DOP1B: variants seen among roughly 807,000 people sequenced by gnomAD.
DOP1B encodes the protein DOP1 leucine zipper like protein B.
In DOP1B, 174 loss-of-function variants were observed where a neutral mutation model predicts 233.5. The ratio of observed to expected loss-of-function variants is 0.75; its 90% CI spans 0.66 to 0.85. DOP1B has a LOEUF of 0.85. Among genes scored for constraint, DOP1B ranks in the 40% least tolerant of loss-of-function variants. DOP1B has a pLI of 0.00. For missense variants in DOP1B, 2,652 were observed against 2,846.6 expected (o/e 0.93, Z 1.56); for synonymous variants, 1,190 against 1,185.6 (o/e 1.00, Z -0.08).
intron 32 of DOP1B, among the ~76,000 whole-genome samples, chr21:36,284,938 T>G (rs2067465899): frequency 6.7e-6 from 1 of 150,274 alleles, no homozygotes; most frequent in South Asian, 2.1e-4. Flanking sequence ...ATAGTAATAT[T>G]AAATATTATA....
intron 27 of DOP1B, among the ~76,000 whole-genome samples, chr21:36,272,399 C>T (rs918663437): frequency 2.0e-5 from 3 of 152,140 alleles, no homozygotes; most frequent in African/African-American, 7.2e-5. Flanking sequence ...CCTGTAATCC[C>T]AGGACTTTGG....
At chr21:36,186,169 C>CT (rs1569007272) in intron 2 of DOP1B, among the ~76,000 whole-genome samples, 1 of 151,846 alleles carries the variant, frequency 6.6e-6, no homozygotes, top group Admixed American at 6.6e-5. Context: ...CGCCACTGCA[C>CT]TCCAGCCTGG....
intron 15 of DOP1B, among the ~76,000 whole-genome samples, chr21:36,235,865 G>GC (rs1555893480): frequency 6.9e-6 from 1 of 145,264 alleles, no homozygotes; most frequent in Non-Finnish European, 1.5e-5. Flanking sequence ...AAGGAAGTCG[G>GC]GGGGGGGGCG....
At chr21:36,289,957 A>G (rs1015401572) in intron 35 of DOP1B, among the ~76,000 whole-genome samples, 7 of 152,184 alleles carry the variant, frequency 4.6e-5, no homozygotes, top group Non-Finnish European at 1.0e-4. Flanking sequence ...TTGCATACAG[A>G]GCTATAATGG....
intron 2 of DOP1B, among the ~76,000 whole-genome samples, chr21:36,186,961 G>A (rs1444098195): frequency 6.6e-6 from 1 of 152,036 alleles, no homozygotes; most frequent in East Asian, 2.0e-4. Context: ...GACTTTCGGG[G>A]CCCGTCTTAG....
rs1432687395 is a variant in DOP1B, at chr21:36,194,485, C to CTTT, written c.139-4584_139-4583insTTT. The stretch of plus-strand genomic sequence containing the variant: ...GCTTTTGCTGCATTTCTCTCTCTCT[C>CTTT]TCTTTTTTTTTTTTTTTTTGAGACA... On this transcript the variant is annotated intron_variant, in intron 2 of 36. Coordinates refer to ENST00000691173, the MANE Select transcript of DOP1B (RefSeq NM_001320714.2). Among the ~76,000 whole-genome samples, 341 of 124,490 alleles carry CTTT rather than the reference C, an allele frequency of 2.7e-3. 1 individual carries two copies. The highest frequency in any genetic ancestry group is 9.5e-3 in the East Asian group (39 of 4,086). The allele number at this position is 124,490 out of a possible 152,430, so 81.7% of individuals were successfully genotyped here. A position where few individuals can be genotyped will look rare whatever the true frequency, so the allele number is the denominator to read the frequency against.
chr21:36,169,191 C>CA, intron 2 of DOP1B: 6 of 1,039,934 alleles, frequency 5.8e-6, no homozygotes, highest in Non-Finnish European at 8.9e-6. Flanking sequence ...TTCAGCATAA[C>CA]AGAGTTATTG....
At chr21:36,230,399 A>G in intron 13 of DOP1B, 51 bp from the exon 14 acceptor site, 1 of 1,537,730 alleles carries the variant, frequency 6.5e-7, no homozygotes, top group Non-Finnish European at 8.8e-7. Context: ...CTGATACTTA[A>G]ATAGCTTGGT....
chr21:36,183,738 G>A (rs1317184967), intron 2 of DOP1B, among the ~76,000 whole-genome samples: 2 of 152,208 alleles, frequency 1.3e-5, no homozygotes, highest in Non-Finnish European at 2.9e-5. Context: ...CTGCCTCTTT[G>A]TTCTGAGTGC....
At chr21:36,288,247 T>C in intron 33 of DOP1B, 97 bp downstream of exon 33, 2 of 1,242,068 alleles carry the variant, frequency 1.6e-6, no homozygotes, top group East Asian at 4.7e-5. Context: ...TCCCATTTTA[T>C]CTAAATGTTA....
In DOP1B at chr21:36,293,570, A is replaced by G. The variant is rs199938828; in HGVS notation, c.6896A>G (p.Ter2299=). The change falls in exon 37 of 37, where the codon TAA becomes TGA. Residue 2299 remains the stop codon, a stop_retained_variant. Coordinates refer to ENST00000691173, the MANE Select transcript of DOP1B (RefSeq NM_001320714.2). ...GATTTTCTGGAACATCCAGAATGTT[A>G]ACCATGTGAGAGAGAATATGTTTAA... ...EYDFLEHPEC[*] 2.7e-4 allele frequency: 441 copies of G among 1,614,016 alleles called. No homozygotes were observed. Among genetic ancestry groups the G allele is most frequent in the Non-Finnish European group, 3.4e-4 (399 of 1,179,884 alleles).
chr21:36,196,387 A>G (rs1291584174), intron 2 of DOP1B, among the ~76,000 whole-genome samples: 2 of 152,034 alleles, frequency 1.3e-5, no homozygotes, highest in Admixed American at 6.6e-5. Context: ...TGACCGTTCT[A>G]TGTGTTTGAA....
In DOP1B at chr21:36,194,487, C is replaced by CTTT. The variant is rs369495001; in HGVS notation, c.139-4568_139-4566dup. On this transcript the variant is annotated intron_variant, in intron 2 of 36. Transcript: ENST00000691173. ...TTTTGCTGCATTTCTCTCTCTCTCT[C>CTTT]TTTTTTTTTTTTTTTTTGAGACAGA... Among the ~76,000 whole-genome samples, 371 of 81,302 alleles carry CTTT rather than the reference C, an allele frequency of 4.6e-3. 4 individuals are homozygous for CTTT. The highest frequency in any genetic ancestry group is 6.9e-3 in the Non-Finnish European group (312 of 45,254). The allele number at this position is 81,302 out of a possible 152,430, so 53.3% of individuals were successfully genotyped here.
At chr21:36,283,500 G>A (rs1255142099) in intron 32 of DOP1B, among the ~76,000 whole-genome samples, 1 of 152,184 alleles carries the variant, frequency 6.6e-6, no homozygotes, top group African/African-American at 2.4e-5. Context: ...CGCATGTAGT[G>A]CACATAAGAT....
chr21:36,227,187 G>A (rs1277554686), intron 12 of DOP1B, among the ~76,000 whole-genome samples: 1 of 147,444 alleles, frequency 6.8e-6, no homozygotes, highest in East Asian at 2.0e-4. Flanking sequence ...CAGCCTGGGT[G>A]ACAGAGTGAG....
intron 23 of DOP1B, among the ~76,000 whole-genome samples, chr21:36,255,389 A>G (rs2067082941): frequency 1.3e-5 from 2 of 151,908 alleles, no homozygotes; most frequent in South Asian, 4.2e-4. Flanking sequence ...GGCCTCCCGA[A>G]GTCCTGGGAT....
chr21:36,227,370 AC>A (rs1314463181), intron 12 of DOP1B, among the ~76,000 whole-genome samples: 1 of 150,424 alleles, frequency 6.6e-6, no homozygotes, highest in Admixed American at 6.7e-5. Flanking sequence ...ACACGGTGAA[AC>A]CCCATCTCTA....
intron 2 of DOP1B, among the ~76,000 whole-genome samples, chr21:36,183,330 G>T (rs2066123317): frequency 6.6e-6 from 1 of 152,186 alleles, no homozygotes; most frequent in South Asian, 2.1e-4. Context: ...TTCCCCAGTT[G>T]AGAACCACTG....
chr21:36,210,754 G>A (rs1478586026), intron 5 of DOP1B, among the ~76,000 whole-genome samples: 1 of 152,218 alleles, frequency 6.6e-6, no homozygotes, highest in Non-Finnish European at 1.5e-5. Flanking sequence ...AGAGGTTGCA[G>A]TGAGTCAAGA....
Sources: gnomAD v4.1 joint callset for allele counts (sites outside exome capture counted in the v4.1 genomes callset) on GRCh38, gnomAD v4.1.1 for gene constraint, MANE v1.5 for transcripts, NCBI Gene and HGNC (gene_info 2026-07-23, HGNC 2026-07-21) for gene names.